Variants in MEIS2 observed in about 807,000 individuals in gnomAD.
MEIS2 encodes the protein Meis homeobox 2.
A neutral mutation model predicts 58.6 loss-of-function variants in MEIS2; 9 were observed. That is an observed-to-expected ratio of 0.15 (90% CI 0.09 to 0.27). MEIS2 has a LOEUF of 0.27. Ranked by LOEUF, MEIS2 falls within the 10% of genes least tolerant of loss-of-function variation. The probability of loss-of-function intolerance (pLI) is 1.00; values close to 1 mark genes in which losing one functional copy is unlikely to be tolerated. For missense variants in MEIS2, 427 were observed against 635.0 expected, an observed-to-expected ratio of 0.67 and a Z score of 3.52; for synonymous variants, 221 against 228.4, an observed-to-expected ratio of 0.97 and a Z score of 0.29.
chr15:36,964,982 T>C (rs2059308771), intron 8 of MEIS2, among the ~76,000 whole-genome samples: 1 of 152,200 alleles, frequency 6.6e-6, no homozygotes, highest in Non-Finnish European at 1.5e-5. Flanking sequence ...TAAGTGCACA[T>C]GGCTCATATC....
At chr15:36,935,681 G>A (rs2058141086) in intron 9 of MEIS2, among the ~76,000 whole-genome samples, 1 of 151,990 alleles carries the variant, frequency 6.6e-6, no homozygotes, top group South Asian at 2.1e-4. Flanking sequence ...AAAAACTTTG[G>A]AGGCAGTGTG....
At chr15:36,986,356 C>G (rs779358356) in intron 8 of MEIS2, among the ~76,000 whole-genome samples, 3 of 152,158 alleles carry the variant, frequency 2.0e-5, no homozygotes, top group Non-Finnish European at 4.4e-5. Context: ...TCGCCTTTGC[C>G]CCAGGCTTCC....
At chr15:37,096,557 CT>C in intron 2 of MEIS2, 127 bp from the exon 3 acceptor site, 1 of 1,122,462 alleles carries the variant, frequency 8.9e-7, no homozygotes, top group Non-Finnish European at 1.2e-6. Context: ...ACGCACCACA[CT>C]TTACAACCCT....
At chr15:36,908,440 C>T (rs987759052) in intron 9 of MEIS2, among the ~76,000 whole-genome samples, 1 of 152,150 alleles carries the variant, frequency 6.6e-6, no homozygotes, top group Non-Finnish European at 1.5e-5. Flanking sequence ...ATAGAGACAT[C>T]AACCTTTGAT....
chr15:36,959,973 A>G (rs182351125), intron 8 of MEIS2, among the ~76,000 whole-genome samples: 17 of 152,268 alleles, frequency 1.1e-4, no homozygotes, highest in East Asian at 7.7e-4. Context: ...GAAGGAAATG[A>G]GGATTAGTGA....
chr15:37,040,797 G>A (rs144045538), intron 7 of MEIS2, among the ~76,000 whole-genome samples: 12 of 152,312 alleles, frequency 7.9e-5, no homozygotes, highest in African/African-American at 2.9e-4. Context: ...TAAATGATCA[G>A]AGGAGATTGT....
chr15:36,952,583 G>T (rs984047865), intron 8 of MEIS2, among the ~76,000 whole-genome samples: 1 of 107,242 alleles, frequency 9.3e-6, no homozygotes, highest in Non-Finnish European at 1.9e-5. Flanking sequence ...GTGGGTTGTA[G>T]AGTCTGTCTG....
At position 37,043,905 on chromosome 15, in the gene MEIS2, C is replaced by T. The variant is rs142521947; in HGVS notation, c.755-6946G>A. Among the ~76,000 whole-genome samples the T allele has an allele frequency of 3.4e-3, 512 of 152,156 alleles. 5 individuals are homozygous for T. The highest frequency in any genetic ancestry group is 3.7e-3 in the Non-Finnish European group (250 of 68,008). On this transcript the variant is annotated intron_variant, in intron 7 of 11. Transcript: ENST00000561208. ...GTTTCACCATGTTGGCCAGGATGGT[C>T]TGGATGTCTTGACCTCATGATCTGC...
intron 7 of MEIS2, among the ~76,000 whole-genome samples, chr15:37,053,338 G>A (rs1033264748): frequency 2.0e-5 from 3 of 152,092 alleles, no homozygotes; most frequent in Admixed American, 1.3e-4. Context: ...ATTAAAAACC[G>A]GCTGACTCGA....
intron 8 of MEIS2, among the ~76,000 whole-genome samples, chr15:36,984,278 C>T (rs1595868508): frequency 6.6e-6 from 1 of 151,972 alleles, no homozygotes; most frequent in East Asian, 1.9e-4. Context: ...TAGCTATAAG[C>T]TTGTCATATA....
intron 9 of MEIS2, among the ~76,000 whole-genome samples, chr15:36,941,058 AC>A (rs1334383202): frequency 1.3e-5 from 2 of 152,074 alleles, no homozygotes; most frequent in Non-Finnish European, 2.9e-5. Context: ...TTCTGCAGCA[AC>A]CCATTCCACC....
intron 8 of MEIS2, among the ~76,000 whole-genome samples, chr15:36,977,050 T>A (rs2059783032): frequency 6.6e-6 from 1 of 152,084 alleles, no homozygotes; most frequent in African/African-American, 2.4e-5. Context: ...CGTTTGAACC[T>A]GGGAGGTGGA....
chr15:36,919,908 A>C (rs2057429100), intron 9 of MEIS2, among the ~76,000 whole-genome samples: 2 of 152,144 alleles, frequency 1.3e-5, no homozygotes, highest in African/African-American at 4.8e-5. Context: ...CAATAGGTGG[A>C]TCTTTATTTA....
chr15:36,914,526 T>C (rs2057183654), intron 9 of MEIS2, among the ~76,000 whole-genome samples: 1 of 152,218 alleles, frequency 6.6e-6, no homozygotes. Context: ...ATTTGAAAAG[T>C]GCTCCCTCTG....
chr15:36,932,757 C>T (rs2058029561), intron 9 of MEIS2, among the ~76,000 whole-genome samples: 2 of 152,018 alleles, frequency 1.3e-5, no homozygotes, highest in Non-Finnish European at 2.9e-5. Context: ...TCAGAGAAGT[C>T]CATGACCCAG....
intron 9 of MEIS2, among the ~76,000 whole-genome samples, chr15:36,929,155 T>C (rs2057867152): frequency 2.0e-5 from 3 of 152,322 alleles, no homozygotes; most frequent in South Asian, 2.1e-4. Flanking sequence ...TGCAGACATA[T>C]TACCAATCAA....
rs1450597548 is a variant in MEIS2, at chr15:37,096,130, GC to G, written c.387+158del. ...CCATATTTATCTCCACTTCCAATTCGCCCCCAGGCTCAGGGATGGGGAGGAG... is the reference window on the plus strand; with the variant it reads ...CCATATTTATCTCCACTTCCAATTCGCCCCAGGCTCAGGGATGGGGAGGAG... On this transcript the variant is annotated intron_variant, in intron 3 of 11. Transcript: ENST00000561208. 14 of 713,834 alleles carry G rather than the reference GC, an allele frequency of 2.0e-5. No homozygotes were observed. The Admixed American group carries it at 3.2e-4, about 17-fold the overall frequency. The allele number at this position is 713,834 out of a possible 1,614,324, so 44.2% of individuals were successfully genotyped here.
chr15:36,893,399 G>C (rs2055989672), intron 11 of MEIS2, among the ~76,000 whole-genome samples: 2 of 152,178 alleles, frequency 1.3e-5, no homozygotes, highest in Admixed American at 1.3e-4. Context: ...CAGTCATTTT[G>C]TTAAGTAGAT....
intron 9 of MEIS2, among the ~76,000 whole-genome samples, chr15:36,938,673 C>A (rs11073217): frequency 0.6 from 91,130 of 152,044 alleles, 28,022 homozygotes; most frequent in East Asian, 0.88. Context: ...ATCGTTTTTC[C>A]TCTCACTTGC....
Sources: allele counts gnomAD v4.1 joint callset (sites outside exome capture counted in the v4.1 genomes callset), GRCh38; gene constraint gnomAD v4.1.1; transcripts MANE v1.5; gene names NCBI Gene and HGNC (gene_info 2026-07-23, HGNC 2026-07-21).